Variants in DOCK9 observed in about 807,000 individuals in gnomAD.
The protein encoded by DOCK9 is dedicator of cytokinesis protein 9.
A neutral mutation model predicts 263.3 loss-of-function variants in DOCK9; 89 were observed. The ratio of observed to expected loss-of-function variants is 0.34; its 90% CI spans 0.28 to 0.40. The LOEUF is 0.40. DOCK9 is among the 10% of genes least tolerant of loss of function. The probability of loss-of-function intolerance (pLI) is 1.00; values close to 1 mark genes in which losing one functional copy is unlikely to be tolerated. For missense variants in DOCK9, 2,140 were observed against 2,603.4 expected (o/e 0.82, Z 3.87); for synonymous variants, 976 against 973.1 (o/e 1.00, Z -0.06).
intron 1 of DOCK9, among the ~76,000 whole-genome samples, chr13:99,037,045 C>T (rs1887964890): frequency 6.6e-6 from 1 of 152,010 alleles, no homozygotes; most frequent in Non-Finnish European, 1.5e-5. Context: ...TGACTTTGGA[C>T]TACAGTATTT....
rs368735010 is a variant in DOCK9, at chr13:98,842,198, C to T, written c.4198+3726G>A. ...GAGTTAAATGGGGCCTGACAAGCCA[C>T]GCCATCCAACTCCTCATGGCATGCT... On this transcript the variant is annotated intron_variant, in intron 38 of 52. Transcript: ENST00000682017. 1.5e-3 allele frequency among the ~76,000 whole-genome samples: 222 copies of T among 152,296 alleles called. 7 individuals are homozygous for T. The South Asian group carries it at 0.042, about 29-fold the overall frequency.
At chr13:98,929,915 T>G (rs1032928200) in intron 3 of DOCK9, among the ~76,000 whole-genome samples, 1 of 152,212 alleles carries the variant, frequency 6.6e-6, no homozygotes, top group African/African-American at 2.4e-5. Context: ...ATTCACTTTT[T>G]GTAGTCAGAT....
At chr13:99,017,969 C>A (rs1036840181) in intron 1 of DOCK9, among the ~76,000 whole-genome samples, 2 of 152,138 alleles carry the variant, frequency 1.3e-5, no homozygotes, top group African/African-American at 4.8e-5. Context: ...CATATATCAT[C>A]ATATTGTATA....
chr13:98,928,869 A>C (rs2053470571), intron 3 of DOCK9, among the ~76,000 whole-genome samples: 1 of 152,214 alleles, frequency 6.6e-6, no homozygotes, highest in Admixed American at 6.5e-5. Context: ...GTCTGGAATT[A>C]AGTTTACTAA....
At chr13:98,838,700 A>T (rs2093101102) in intron 38 of DOCK9, among the ~76,000 whole-genome samples, 1 of 152,234 alleles carries the variant, frequency 6.6e-6, no homozygotes, top group African/African-American at 2.4e-5. Flanking sequence ...GGATGCAAAG[A>T]TGTTACAGTA....
At chr13:98,909,180 G>C (rs1454536235) in intron 9 of DOCK9, among the ~76,000 whole-genome samples, 3 of 152,196 alleles carry the variant, frequency 2.0e-5, no homozygotes, top group Admixed American at 1.3e-4. Context: ...TGTAGAAACT[G>C]GTGTTTGCTG....
chr13:99,058,787 G>T (rs2041048339), intron 1 of DOCK9, among the ~76,000 whole-genome samples: 2 of 152,122 alleles, frequency 1.3e-5, no homozygotes, highest in Non-Finnish European at 2.9e-5. Flanking sequence ...AGCACTCATA[G>T]GGCACATGTA....
intron 1 of DOCK9, among the ~76,000 whole-genome samples, chr13:98,964,787 A>G (rs2059028492): frequency 6.6e-6 from 1 of 152,178 alleles, no homozygotes; most frequent in African/African-American, 2.4e-5. Flanking sequence ...TATACTTAGG[A>G]GAAAGCCCTT....
In DOCK9 at chr13:99,025,193, A is replaced by C. The variant is rs1360690951; in HGVS notation, c.129+61030T>G. 2.1e-4 allele frequency: 32 copies of C among 152,254 alleles called. 1 individual carries two copies. The allele number at this position is 152,254 out of a possible 1,614,324, so 9.4% of individuals were successfully genotyped here. A position where few individuals can be genotyped will look rare whatever the true frequency, so the allele number is the denominator to read the frequency against. On this transcript the variant is annotated intron_variant, in intron 1 of 32. Transcript: ENST00000427887. ...CCTCCACATAAGAACTGGACAGATT[A>C]CAATTATTGCTATCCCTCCCGGTCA...
chr13:98,818,768 A>C (rs1263545549), intron 45 of DOCK9, among the ~76,000 whole-genome samples: 1 of 152,200 alleles, frequency 6.6e-6, no homozygotes, highest in Non-Finnish European at 1.5e-5. Flanking sequence ...GGCCCATTTT[A>C]GTGTGCCACA....
chr13:98,999,396 T>C (rs1881831082), intron 1 of DOCK9, among the ~76,000 whole-genome samples: 1 of 151,664 alleles, frequency 6.6e-6, no homozygotes, highest in Non-Finnish European at 1.5e-5. Context: ...AAAGCAAAAA[T>C]AGTTTTAAAT....
intron 1 of DOCK9, among the ~76,000 whole-genome samples, chr13:99,012,565 G>A (rs78541634): frequency 1.6e-4 from 25 of 152,278 alleles, no homozygotes; most frequent in African/African-American, 5.8e-4. Flanking sequence ...AGGTAGGACA[G>A]ACATCCTACC....
At chr13:98,875,939 C>T (rs2043765486) in intron 27 of DOCK9, among the ~76,000 whole-genome samples, 1 of 152,186 alleles carries the variant, frequency 6.6e-6, no homozygotes, top group Admixed American at 6.5e-5. Flanking sequence ...CCACCTTCAG[C>T]AGGAGTGCAG....
At chr13:98,964,342 G>T (rs181644033) in intron 1 of DOCK9, among the ~76,000 whole-genome samples, 1 of 152,292 alleles carries the variant, frequency 6.6e-6, no homozygotes, top group Non-Finnish European at 1.5e-5. Flanking sequence ...CTCAATAACT[G>T]TGTGTTGGAT....
At chr13:98,824,363 A>C (rs766664824) in intron 45 of DOCK9, 35 bp downstream of exon 45, 59 of 1,580,942 alleles carry the variant, frequency 3.7e-5, no homozygotes, top group Non-Finnish European at 5.0e-5. Context: ...CAGATACCCC[A>C]GTACCTGAAA....
intron 1 of DOCK9, among the ~76,000 whole-genome samples, chr13:99,070,350 AT>A (rs749104864): frequency 5.4e-5 from 5 of 92,668 alleles, no homozygotes; most frequent in Non-Finnish European, 9.7e-5. Flanking sequence ...CCTAGAATAT[AT>A]AAAAAACAAA....
intron 52 of DOCK9, among the ~76,000 whole-genome samples, chr13:98,795,673 G>A (rs2089285678): frequency 6.6e-6 from 1 of 152,040 alleles, no homozygotes; most frequent in Non-Finnish European, 1.5e-5. Context: ...AAGATCTCAA[G>A]TTTTCTCTGA....
chr13:99,072,653 C>T (rs2041732270), intron 1 of DOCK9, among the ~76,000 whole-genome samples: 1 of 152,148 alleles, frequency 6.6e-6, no homozygotes, highest in South Asian at 2.1e-4. Flanking sequence ...AGAAAACACC[C>T]ATTCTAAATT....
intron 49 of DOCK9, among the ~76,000 whole-genome samples, chr13:98,803,941 T>A (rs1594145455): frequency 1.4e-5 from 1 of 70,258 alleles, no homozygotes; most frequent in Non-Finnish European, 3.6e-5. Flanking sequence ...AACCTGTATT[T>A]TTTTTTTTTT....
Sources: gnomAD v4.1 joint callset for allele counts (sites outside exome capture counted in the v4.1 genomes callset) on GRCh38, gnomAD v4.1.1 for gene constraint, MANE v1.5 for transcripts, NCBI Gene and HGNC (gene_info 2026-07-23, HGNC 2026-07-21) for gene names.